The following SGO2 variants were observed in gnomAD, a reference collection of about 807,000 sequenced individuals.
The protein encoded by SGO2 is shugoshin 2, also known as shugoshin-like 2.
A neutral mutation model predicts 99.5 loss-of-function variants in SGO2; 68 were observed. The ratio of observed to expected loss-of-function variants is 0.68; its 90% CI spans 0.56 to 0.84. SGO2 has a LOEUF of 0.84. SGO2 is among the 40% of genes least tolerant of loss of function. The pLI is 0.00. For synonymous variants in SGO2, 457 were observed against 487.1 expected (o/e 0.94, Z 0.81); for missense variants, 1,350 against 1,436.7 (o/e 0.94, Z 0.97).
chr2:200,534,386 A>G (rs559609708), intron 2 of SGO2, among the ~76,000 whole-genome samples: 16 of 152,204 alleles, frequency 1.1e-4, no homozygotes, highest in Non-Finnish European at 2.1e-4. Context: ...TCGAGTTTAG[A>G]TTGCAGTAGA....
chr2:200,560,668 T>C (rs2032903606), intron 5 of SGO2, among the ~76,000 whole-genome samples: 1 of 152,192 alleles, frequency 6.6e-6, no homozygotes, highest in Non-Finnish European at 1.5e-5. Context: ...TTTGATTTGC[T>C]AATATTTTCT....
intron 2 of SGO2, 42 bp from the exon 3 acceptor site, chr2:200,534,954 G>A (rs1323057426): frequency 7.3e-7 from 1 of 1,366,490 alleles, no homozygotes; most frequent in East Asian, 2.9e-5. Context: ...ATTTCTTAAG[G>A]TATAAGCTGA....
At chr2:200,561,369 T>C (rs1370356146) in intron 5 of SGO2, among the ~76,000 whole-genome samples, 2 of 152,244 alleles carry the variant, frequency 1.3e-5, no homozygotes, top group African/African-American at 4.8e-5. Flanking sequence ...ACAAAGGACA[T>C]GAACTCATCC....
intron 8 of SGO2, among the ~76,000 whole-genome samples, chr2:200,580,721 G>C (rs1473878410): frequency 6.6e-6 from 1 of 152,120 alleles, no homozygotes; most frequent in East Asian, 1.9e-4. Context: ...AGTCCCAGCT[G>C]CTACTAGAGA....
intron 4 of SGO2, among the ~76,000 whole-genome samples, chr2:200,540,072 CTATT>C (rs1408498027): frequency 2.0e-5 from 3 of 151,496 alleles, no homozygotes; most frequent in Admixed American, 6.6e-5. Flanking sequence ...CTCTTTGTAT[CTATT>C]TGTTTGCTGA....
intron 4 of SGO2, among the ~76,000 whole-genome samples, chr2:200,538,210 C>T (rs939662928): frequency 6.6e-6 from 1 of 152,140 alleles, no homozygotes; most frequent in Non-Finnish European, 1.5e-5. Flanking sequence ...GATCTGAAAA[C>T]TGAAACTCTT....
rs1391487474 is a variant in SGO2, at chr2:200,573,861, T to C, written c.3515T>C (p.Ile1172Thr). The C allele has an allele frequency of 1.2e-6, 2 of 1,613,130 alleles. No individual in the cohort carries two copies. The highest frequency in any genetic ancestry group is 4.5e-5 in the East Asian group (2 of 44,854). ...GTTTCTTCTGGTAAAAATGTGATAA[T>C]AAAAGAAAATTTTGCCTTGGAGTGC... is the stretch of plus-strand genomic sequence containing the variant. ...LSVSSGKNVIIKENFALECSP... is the reference protein window; with the variant it reads ...LSVSSGKNVITKENFALECSP... Residue 1172 changes from isoleucine to threonine, a missense_variant, in exon 7 of 9, where the codon ATA (isoleucine) becomes ACA (threonine). Transcript: ENST00000357799.
intron 5 of SGO2, among the ~76,000 whole-genome samples, chr2:200,561,367 C>A (rs1027272936): frequency 2.6e-5 from 4 of 152,212 alleles, no homozygotes; most frequent in Non-Finnish European, 5.9e-5. Context: ...CTACAAAGGA[C>A]ATGAACTCAT....
chr2:200,538,941 G>GT (rs547437566), intron 4 of SGO2, among the ~76,000 whole-genome samples: 3 of 151,306 alleles, frequency 2.0e-5, no homozygotes, highest in African/African-American at 4.9e-5. Flanking sequence ...GGACTCTGAG[G>GT]TTTTTTTTCT....
rs376607922 is a variant in SGO2 at position 200,572,899 on chromosome 2, A to T, written c.2553A>T (p.Thr851=). 6.3e-7 allele frequency: 1 copy of T among 1,590,818 alleles called. No individual in the cohort carries two copies. The highest frequency in any genetic ancestry group is 1.9e-5 in the Admixed American group (1 of 53,862). The change falls in exon 7 of 9, where the codon ACA becomes ACT. Residue 851 remains threonine (T), a synonymous_variant. Transcript: ENST00000357799. ...FFSLTPKDKE[T]ISENLQVTNE... is the part of the protein sequence containing the mutation. ...CTCTAACCCCAAAGGATAAAGAAAC[A>T]ATTTCTGAAAATCTACAAGTCACAA...
intron 1 of SGO2, among the ~76,000 whole-genome samples, chr2:200,528,203 GTT>G (rs539592366): frequency 1.3e-5 from 2 of 152,022 alleles, no homozygotes; most frequent in Non-Finnish European, 2.9e-5. Context: ...CTACTGGAGA[GTT>G]TTTTTTAACA....
At chr2:200,554,849 A>G (rs1372873502) in intron 5 of SGO2, among the ~76,000 whole-genome samples, 3 of 152,214 alleles carry the variant, frequency 2.0e-5, no homozygotes, top group Admixed American at 1.3e-4. Context: ...AATGTATTCA[A>G]TCTTAATCAG....
Position 200,550,991 on chromosome 2 carries a change from C to CAA in SGO2, c.473+8338_473+8339dup, listed in dbSNP as rs55848114. Among the ~76,000 whole-genome samples, 283 of 138,970 alleles carry CAA rather than the reference C, an allele frequency of 2.0e-3. 2 individuals carry two copies. Among genetic ancestry groups the CAA allele is most frequent in the East Asian group, 0.019 (89 of 4,774 alleles). The allele number at this position is 138,970 out of a possible 152,430, so 91.2% of individuals were successfully genotyped here. A position where few individuals can be genotyped will look rare whatever the true frequency, so the allele number is the denominator to read the frequency against. On this transcript the variant is annotated intron_variant, in intron 5 of 8. Transcript: ENST00000357799. The stretch of plus-strand genomic sequence containing the variant: ...ATTGGGAGCTTAAACAACTAAGTAG[C>CAA]AAAAAAAAAAAAGAAAAAAGGGGAA...
At position 200,572,749 on chromosome 2, in the gene SGO2, T is replaced by C. The variant is rs201366210; in HGVS notation, c.2403T>C (p.Asp801=). Residue 801 remains aspartate (D), a synonymous_variant, in exon 7 of 9, where the codon GAT becomes GAC. Coordinates refer to ENST00000357799, the MANE Select transcript of SGO2 (RefSeq NM_152524.6). ...GHDMQPACQN[D]SKIGKKPRLN... is the part of the protein sequence containing the mutation. Reference sequence around the variant, plus strand: ...ATATGCAACCTGCTTGTCAAAATGATTCAAAAATAGGTAAGAAGCCTAGAC... The same window carrying C: ...ATATGCAACCTGCTTGTCAAAATGACTCAAAAATAGGTAAGAAGCCTAGAC... The C allele has an allele frequency of 1.2e-6, 2 of 1,612,910 alleles. No individual in the cohort carries two copies. The highest frequency in any genetic ancestry group is 3.3e-5 in the Admixed American group (2 of 59,874).
chr2:200,530,508 C>T (rs1188720111), intron 1 of SGO2, among the ~76,000 whole-genome samples: 3 of 152,086 alleles, frequency 2.0e-5, no homozygotes, highest in African/African-American at 7.2e-5. Context: ...AAACTGAGGA[C>T]ATAAATTATG....
chr2:200,562,689 G>A (rs1303716570), intron 5 of SGO2, among the ~76,000 whole-genome samples: 2 of 152,184 alleles, frequency 1.3e-5, no homozygotes, highest in Admixed American at 6.5e-5. Context: ...CTACCCATGA[G>A]CATGGAATGT....
At position 200,540,055 on chromosome 2, in the gene SGO2, C is replaced by T. The variant is rs149460333; in HGVS notation, c.388-2524C>T. ...TATTACATTTTTCAGTTCTGAGCTC[C>T]ATTCGGCTCTTTGTATCTATTTGTT... On this transcript the variant is annotated intron_variant, in intron 4 of 8. Coordinates refer to ENST00000357799, the MANE Select transcript of SGO2 (RefSeq NM_152524.6). Among the ~76,000 whole-genome samples, 165 of 151,992 alleles carry T rather than the reference C, an allele frequency of 1.1e-3. 2 individuals are homozygous for T. In the East Asian group the frequency reaches 0.016, roughly 15 times the overall value.
intron 5 of SGO2, among the ~76,000 whole-genome samples, chr2:200,553,768 G>A (rs190620884): frequency 7.9e-5 from 12 of 152,192 alleles, no homozygotes; most frequent in Admixed American, 5.2e-4. Context: ...TTTTAAAGCC[G>A]AGCCCAGCCA....
chr2:200,542,436 C>G (rs972316799), intron 4 of SGO2, 143 bp from the exon 5 acceptor site: 9 of 537,760 alleles, frequency 1.7e-5, no homozygotes, highest in Non-Finnish European at 2.6e-5. Context: ...ACCTTATTAT[C>G]ACATTATTCT....
Sources: allele counts gnomAD v4.1 joint callset (sites outside exome capture counted in the v4.1 genomes callset), GRCh38; gene constraint gnomAD v4.1.1; transcripts MANE v1.5; gene names NCBI Gene and HGNC (gene_info 2026-07-23, HGNC 2026-07-21).